Variants in FLRT1 observed in about 807,000 individuals in gnomAD.
The protein encoded by FLRT1 is leucine-rich repeat transmembrane protein FLRT1.
Under a neutral mutation model 30.9 loss-of-function variants are expected in FLRT1, and 14 were observed. The ratio of observed to expected loss-of-function variants is 0.45; its 90% CI spans 0.30 to 0.71. The LOEUF (loss-of-function observed/expected upper bound fraction) is 0.71. Among genes scored for constraint, FLRT1 ranks in the 30% least tolerant of loss-of-function variants. The pLI is 0.08. For synonymous variants in FLRT1, 368 were observed against 430.4 expected (o/e 0.85, Z 1.80); for missense variants, 737 against 949.2 (o/e 0.78, Z 2.94).
chr11:64,060,906 G>C (rs906089478), intron 1 of FLRT1, among the ~76,000 whole-genome samples: 1 of 151,994 alleles, frequency 6.6e-6, no homozygotes, highest in Non-Finnish European at 1.5e-5. Flanking sequence ...GAGGCTCTTT[G>C]CATATTCATG....
At chr11:64,113,845 T>G (rs905289889) in intron 2 of FLRT1, among the ~76,000 whole-genome samples, 14 of 143,948 alleles carry the variant, frequency 9.7e-5, no homozygotes, top group African/African-American at 3.7e-4. Flanking sequence ...GATGGATGGA[T>G]GGACAGCTGG....
intron 2 of FLRT1, among the ~76,000 whole-genome samples, chr11:64,114,866 G>T (rs1274742305): frequency 6.6e-6 from 1 of 152,212 alleles, no homozygotes; most frequent in Non-Finnish European, 1.5e-5. Flanking sequence ...ACCTAGCAGA[G>T]GAGGTAACAT....
At chr11:64,048,938 G>A (rs1943637981) in intron 1 of FLRT1, among the ~76,000 whole-genome samples, 1 of 151,856 alleles carries the variant, frequency 6.6e-6, no homozygotes. Flanking sequence ...AAAGCAGTCT[G>A]GTGTGAGGGA....
At chr11:64,060,097 T>G (rs1429451023) in intron 1 of FLRT1, among the ~76,000 whole-genome samples, 1 of 152,204 alleles carries the variant, frequency 6.6e-6, no homozygotes, top group African/African-American at 2.4e-5. Context: ...AATAAAAAAT[T>G]TAATCAAGTA....
At chr11:64,085,138 G>A (rs917303641) in intron 1 of FLRT1, among the ~76,000 whole-genome samples, 1 of 152,244 alleles carries the variant, frequency 6.6e-6, no homozygotes, top group Non-Finnish European at 1.5e-5. Flanking sequence ...AGGATTGGGG[G>A]TTCTGGGCAG....
chr11:64,039,596 CCT>C (rs1943447465), intron 1 of FLRT1, among the ~76,000 whole-genome samples: 1 of 152,136 alleles, frequency 6.6e-6, no homozygotes, highest in Non-Finnish European at 1.5e-5. Context: ...GGACAGCACC[CCT>C]GTTTTGCCCT....
rs1590934834 is a variant in FLRT1, at chr11:64,117,911, G to T, written c.1644G>T (p.Met548Ile). Reference protein sequence around the residue: ...TLNQEQNAGPMASLPLAGIIG... With the variant: ...TLNQEQNAGPIASLPLAGIIG... ...ACCAGGAGCAGAACGCTGGCCCCATGGCGAGCCTGCCCCTGGCGGGCATCA... is the reference window on the plus strand; with the variant it reads ...ACCAGGAGCAGAACGCTGGCCCCATTGCGAGCCTGCCCCTGGCGGGCATCA... The change falls in exon 3 of 3, where the codon ATG (methionine) becomes ATT (isoleucine). Residue 548 changes from methionine to isoleucine, a missense_variant. Met to Ile is a conservative substitution (Grantham distance 10, BLOSUM62 1). Transcript: ENST00000682287. 1 of 1,613,906 alleles carries T rather than the reference G, an allele frequency of 6.2e-7. No individual in the cohort carries two copies. The highest frequency in any genetic ancestry group is 1.7e-5 in the Admixed American group (1 of 60,032).
At chr11:64,059,277 T>C (rs1176042872) in intron 1 of FLRT1, among the ~76,000 whole-genome samples, 3 of 152,126 alleles carry the variant, frequency 2.0e-5, no homozygotes, top group Non-Finnish European at 4.4e-5. Context: ...GGTGCCGCCC[T>C]GTGAAGAGGG....
At chr11:64,110,460 A>G (rs949407633) in intron 2 of FLRT1, among the ~76,000 whole-genome samples, 10 of 151,966 alleles carry the variant, frequency 6.6e-5, no homozygotes, top group Non-Finnish European at 1.0e-4. Context: ...AAAAAAAAAA[A>G]AAAGAAAGAA....
In FLRT1 at chr11:64,090,205, G is replaced by C. The variant is rs538667658; in HGVS notation, c.-1037-12989G>C. ...AGGCCCCGAACAGCCTGAGTCCACAGGGTGACAGGGTGTGGGAAAGGCCAA... is the reference window on the plus strand; with the variant it reads ...AGGCCCCGAACAGCCTGAGTCCACACGGTGACAGGGTGTGGGAAAGGCCAA... On this transcript the variant is annotated intron_variant, in intron 1 of 2. Transcript: ENST00000682287. This position sits in a 1 kb window ranked among gnomAD's most constrained non-coding sequence, Gnocchi z 4.7. Among the ~76,000 whole-genome samples the C allele has an allele frequency of 3.3e-5, 5 of 152,196 alleles. No homozygotes were observed. The highest frequency in any genetic ancestry group is 1.2e-4 in the African/African-American group (5 of 41,442).
At chr11:64,075,521 C>A (rs12293397) in intron 1 of FLRT1, among the ~76,000 whole-genome samples, 1 of 152,246 alleles carries the variant, frequency 6.6e-6, no homozygotes, top group African/African-American at 2.4e-5. Context: ...GGGCTCAAAC[C>A]GAGGGAACAG....
In FLRT1 at chr11:64,117,206, G is replaced by A. The variant is rs372785993; in HGVS notation, c.939G>A (p.Leu313=). 1 of 1,614,118 alleles carries A rather than the reference G, an allele frequency of 6.2e-7. No individual in the cohort carries two copies. The highest frequency in any genetic ancestry group is 8.5e-7 in the Non-Finnish European group (1 of 1,180,006). The change falls in exon 3 of 3, where the codon CTG becomes CTA. Residue 313 remains leucine (L), a synonymous_variant. Coordinates refer to ENST00000682287, the MANE Select transcript of FLRT1 (RefSeq NM_013280.5). The part of the protein sequence containing the change: ...NNNLTTLPRG[L]FDDLGNLAQL... ...ACCTGACCACGCTGCCCCGCGGCCT[G>A]TTCGACGACCTGGGGAACCTGGCCC...
intron 1 of FLRT1, among the ~76,000 whole-genome samples, chr11:64,069,760 C>T (rs1022447784): frequency 6.6e-6 from 1 of 152,192 alleles, no homozygotes; most frequent in Non-Finnish European, 1.5e-5. Context: ...CTAAATGCTT[C>T]GCCAGGAAAC....
chr11:64,109,866 C>T (rs755784868), intron 2 of FLRT1, among the ~76,000 whole-genome samples: 3 of 152,058 alleles, frequency 2.0e-5, no homozygotes, highest in Non-Finnish European at 4.4e-5. Flanking sequence ...TCAGCCTGTC[C>T]GGAAGGCACA....
intron 1 of FLRT1, among the ~76,000 whole-genome samples, chr11:64,102,464 AAGGCAGT>A (rs1944687541): frequency 6.6e-6 from 1 of 152,216 alleles, no homozygotes; most frequent in Admixed American, 6.5e-5. Context: ...ATGGTGGGGA[AAGGCAGT>A]GCTTGTTCTG....
intron 1 of FLRT1, among the ~76,000 whole-genome samples, chr11:64,065,623 AC>A (rs11360823): frequency 0.39 from 57,180 of 146,632 alleles, 12,886 homozygotes; most frequent in Non-Finnish European, 0.52. Context: ...CCCAGTCTCT[AC>A]TAAAAAATAC....
At chr11:64,099,294 A>G (rs2134551063) in intron 1 of FLRT1, among the ~76,000 whole-genome samples, 1 of 152,394 alleles carries the variant, frequency 6.6e-6, no homozygotes, top group Admixed American at 6.5e-5. Flanking sequence ...CTCACATTGT[A>G]GCCCTCTGAA....
intron 1 of FLRT1, among the ~76,000 whole-genome samples, chr11:64,065,600 T>C (rs189711925): frequency 0.012 from 1,778 of 148,402 alleles, 32 homozygotes; most frequent in South Asian, 0.045. Flanking sequence ...CCATCCTGGC[T>C]AACACGGTGA....
chr11:64,044,143 T>C (rs1220097784), intron 1 of FLRT1, among the ~76,000 whole-genome samples: 1 of 151,810 alleles, frequency 6.6e-6, no homozygotes, highest in Non-Finnish European at 1.5e-5. Context: ...AAGCATATGC[T>C]CGTAACCCCC....
Sources: allele counts gnomAD v4.1 joint callset (sites outside exome capture counted in the v4.1 genomes callset), GRCh38; gene constraint gnomAD v4.1.1; non-coding constraint Gnocchi (gnomAD v3.1); transcripts MANE v1.5; gene names NCBI Gene and HGNC (gene_info 2026-07-23, HGNC 2026-07-21).